The following SIAH2 variants were observed in gnomAD, a reference collection of about 807,000 sequenced individuals.
SIAH2 encodes E3 ubiquitin-protein ligase SIAH2.
SIAH2 carries 4 observed loss-of-function variants against 20.4 expected under a neutral mutation model. The ratio of observed to expected loss-of-function variants is 0.20; its 90% CI spans 0.10 to 0.45. The LOEUF is 0.45. Among genes scored for constraint, SIAH2 ranks in the 20% least tolerant of loss-of-function variants. The pLI is 0.99. For missense variants in SIAH2, 259 were observed against 440.3 expected (o/e 0.59, Z 3.69); for synonymous variants, 171 against 192.5 (o/e 0.89, Z 0.93).
rs1345769074 is a variant in SIAH2, at chr3:150,746,610, C to T, written c.418-3912G>A. ...AGATGCCAATAGCAACCACCCCCTG[C>T]CCCTCAGTTGTGACAACCAGAAATG... On this transcript the variant is annotated intron_variant, in intron 1 of 1. Transcript: ENST00000312960. Among the ~76,000 whole-genome samples the T allele has an allele frequency of 2.0e-5, 3 of 152,332 alleles. No individual in the cohort carries two copies. In the East Asian group the frequency reaches 5.8e-4, roughly 29 times the overall value.
intron 1 of SIAH2, among the ~76,000 whole-genome samples, chr3:150,749,129 T>C (rs920450793): frequency 6.6e-6 from 1 of 152,056 alleles, no homozygotes; most frequent in African/African-American, 2.4e-5. Context: ...AAATAACTGG[T>C]GAATCTGGAT....
chr3:150,745,959 C>T (rs1714202217), intron 1 of SIAH2, among the ~76,000 whole-genome samples: 1 of 152,074 alleles, frequency 6.6e-6, no homozygotes, highest in Non-Finnish European at 1.5e-5. Context: ...TAAAGGAAGA[C>T]CAGGAGGGCA....
chr3:150,762,501 C>A lies in SIAH2; in HGVS notation c.349G>T (p.Ala117Ser), dbSNP rs2108128311. 2 of 1,613,568 alleles carry A rather than the reference C, an allele frequency of 1.2e-6. No homozygotes were observed. Among genetic ancestry groups the A allele is most frequent in the East Asian group, 2.2e-5 (1 of 44,838 alleles). Residue 117 changes from alanine (A) to serine (S), a missense_variant, in exon 1 of 2, where the codon GCC becomes TCC. Transcript: ENST00000312960. The surrounding 1 kb of genome is among the most constrained non-coding windows in gnomAD (Gnocchi z 6.6). ...KLSCCPTCRG[A>S]LTPSIRNLAM... ...AGGTTCCTGATGCTGGGCGTCAGGG[C>A]GCCCCTGCACGTCGGGCAGCAGCTC...
rs575585611 is a variant in SIAH2 at position 150,752,346 on chromosome 3, C to T, written c.418-9648G>A. Among the ~76,000 whole-genome samples the T allele has an allele frequency of 2.5e-4, 38 of 152,362 alleles. No individual in the cohort carries two copies. The South Asian group carries it at 4.6e-3, about 18-fold the overall frequency. On this transcript the variant is annotated intron_variant, in intron 1 of 1. Transcript: ENST00000312960. ...TAAATAGGCCAGGTGCAGTGGCTCACGCCTGTAATCCCAGCATTTTGGGAG... is the reference window on the plus strand; with the variant it reads ...TAAATAGGCCAGGTGCAGTGGCTCATGCCTGTAATCCCAGCATTTTGGGAG...
intron 1 of SIAH2, among the ~76,000 whole-genome samples, chr3:150,754,093 G>A (rs1358871882): frequency 6.6e-6 from 1 of 152,216 alleles, no homozygotes; most frequent in Non-Finnish European, 1.5e-5. Flanking sequence ...TAAAGAATGT[G>A]TTAGATAAAG....
chr3:150,745,407 A>T (rs1296596261), intron 1 of SIAH2, among the ~76,000 whole-genome samples: 3 of 152,114 alleles, frequency 2.0e-5, no homozygotes, highest in Admixed American at 6.6e-5. Context: ...GTAGTTTGTG[A>T]ATTCCCCAAG....
At chr3:150,756,279 T>C (rs1331475130) in intron 1 of SIAH2, among the ~76,000 whole-genome samples, 1 of 152,226 alleles carries the variant, frequency 6.6e-6, no homozygotes, top group African/African-American at 2.4e-5. Context: ...CCTGAAAAAC[T>C]CGCCAGCAAT....
chr3:150,743,417 T>A (rs547387589), intron 1 of SIAH2, among the ~76,000 whole-genome samples: 3 of 152,248 alleles, frequency 2.0e-5, no homozygotes, highest in Non-Finnish European at 2.9e-5. Flanking sequence ...AGACTACTGG[T>A]CAGTCTGGTT....
At chr3:150,745,211 T>TG (rs1197682296) in intron 1 of SIAH2, among the ~76,000 whole-genome samples, 1 of 151,152 alleles carries the variant, frequency 6.6e-6, no homozygotes, top group Non-Finnish European at 1.5e-5. Context: ...GCCACTTTTA[T>TG]GATGACTAAA....
chr3:150,752,466 G>A (rs566385750), intron 1 of SIAH2, among the ~76,000 whole-genome samples: 73 of 152,280 alleles, frequency 4.8e-4, no homozygotes, highest in Middle Eastern at 6.8e-3. Flanking sequence ...AAAATTATCC[G>A]GGCGTGATGG....
intron 1 of SIAH2, among the ~76,000 whole-genome samples, chr3:150,743,555 C>T (rs529074241): frequency 5.9e-5 from 9 of 152,270 alleles, no homozygotes; most frequent in Admixed American, 2.6e-4. Flanking sequence ...ACAACAGGCC[C>T]GGGAGGAAGC....
rs5853495 is a variant in SIAH2, at chr3:150,745,240, TACACACACACACACAC to T, written c.418-2558_418-2543del. On this transcript the variant is annotated intron_variant, in intron 1 of 1. Coordinates refer to ENST00000312960, the MANE Select transcript of SIAH2 (RefSeq NM_005067.7). ...GACTAAAGTCTAAATTTTAACCCCCTACACACACACACACACACACACACACACACACACACACCCC... is the reference window on the plus strand; with the variant it reads ...GACTAAAGTCTAAATTTTAACCCCCTACACACACACACACACACACACCCC... 7.8e-5 allele frequency among the ~76,000 whole-genome samples: 11 copies of T among 140,672 alleles called. No homozygotes were observed. In the South Asian group the frequency reaches 1.9e-3, roughly 24 times the overall value. The allele number at this position is 140,672 out of a possible 152,430, so 92.3% of individuals were successfully genotyped here. A position where few individuals can be genotyped will look rare whatever the true frequency, so the allele number is the denominator to read the frequency against.
At chr3:150,747,486 G>A (rs1714244024) in intron 1 of SIAH2, among the ~76,000 whole-genome samples, 1 of 152,232 alleles carries the variant, frequency 6.6e-6, no homozygotes, top group South Asian at 2.1e-4. Context: ...CACCTGGGCT[G>A]GTTCGCAGAG....
intron 1 of SIAH2, among the ~76,000 whole-genome samples, chr3:150,745,277 A>C (rs1016998156): frequency 3.6e-4 from 47 of 129,034 alleles, no homozygotes; most frequent in South Asian, 2.3e-3. Context: ...ACACACACAC[A>C]CCCCACATTT....
In SIAH2 at chr3:150,762,651, C is replaced by T. The variant is rs1361715103; in HGVS notation, c.199G>A (p.Val67Met). 6.6e-7 allele frequency: 1 copy of T among 1,512,424 alleles called. No homozygotes were observed. The highest frequency in any genetic ancestry group is 8.8e-7 in the Non-Finnish European group (1 of 1,133,348). 93.7% of individuals were successfully genotyped at this position (1,512,424 alleles called of 1,614,324 possible). A position where few individuals can be genotyped will look rare whatever the true frequency, so the allele number is the denominator to read the frequency against. The change falls in exon 1 of 2, where the codon GTG becomes ATG. Residue 67 changes from valine to methionine, a missense_variant. Val to Met is a conservative substitution (Grantham distance 21). Around this residue, in one of 2 missense-constraint regions of SIAH2, gnomAD observed 99 missense variants for 112.7 expected, o/e 0.88. Coordinates refer to ENST00000312960, the MANE Select transcript of SIAH2 (RefSeq NM_005067.7). This position sits in a 1 kb window ranked among gnomAD's most constrained non-coding sequence, Gnocchi z 6.6. ...GPGGGGGAGP[V>M]SPQHHELTSL... is the part of the protein sequence containing the mutation. Reference sequence around the variant, plus strand: ...GTCAGCTCGTGGTGCTGCGGGGACACCGGGCCGGCCCCGCCGCCGCCGCCG... The same window carrying T: ...GTCAGCTCGTGGTGCTGCGGGGACATCGGGCCGGCCCCGCCGCCGCCGCCG...
At position 150,745,276 on chromosome 3, in the gene SIAH2, CA is replaced by C. The variant is rs879479501; in HGVS notation, c.418-2579del. Among the ~76,000 whole-genome samples, 468 of 151,362 alleles carry C rather than the reference CA, an allele frequency of 3.1e-3. 2 individuals carry two copies. Among genetic ancestry groups the C allele is most frequent in the Non-Finnish European group, 5.3e-3 (360 of 67,880 alleles). ...ACACACACACACACACACACACACA[CA>C]CCCCACATTTCATACTTCAAGCAGT... On this transcript the variant is annotated intron_variant, in intron 1 of 1. Coordinates refer to ENST00000312960, the MANE Select transcript of SIAH2 (RefSeq NM_005067.7).
chr3:150,762,318 T>TTTC lies in SIAH2; in HGVS notation c.417+114_417+115insGAA, dbSNP rs1246441472. The stretch of plus-strand genomic sequence containing the variant: ...GTGGACGAAGTGTAAACATTTTTTC[T>TTTC]TTTTTTTTTTTAAATGAGAGATGCC... On this transcript the variant is annotated intron_variant, in intron 1 of 1. Transcript: ENST00000312960. This position sits in a 1 kb window ranked among gnomAD's most constrained non-coding sequence, Gnocchi z 6.6. The TTTC allele has an allele frequency of 6.1e-3, 2,425 of 395,986 alleles. No individual in the cohort carries two copies. The East Asian group carries it at 0.071, about 12-fold the overall frequency. The allele number at this position is 395,986 out of a possible 1,614,324, so 24.5% of individuals were successfully genotyped here.
chr3:150,753,149 G>A (rs1176677599), intron 1 of SIAH2, among the ~76,000 whole-genome samples: 2 of 152,208 alleles, frequency 1.3e-5, no homozygotes, highest in Non-Finnish European at 2.9e-5. Flanking sequence ...TCGGCTCCTA[G>A]TACTTCAGAC....
At chr3:150,749,028 A>G (rs1353030162) in intron 1 of SIAH2, among the ~76,000 whole-genome samples, 1 of 152,240 alleles carries the variant, frequency 6.6e-6, no homozygotes, top group Non-Finnish European at 1.5e-5. Context: ...TTAGGGGTAA[A>G]GGGACAAGAT....
Sources: allele counts gnomAD v4.1 joint callset (sites outside exome capture counted in the v4.1 genomes callset), GRCh38; gene constraint gnomAD v4.1.1; regional missense constraint gnomAD v4.1.1; non-coding constraint Gnocchi (gnomAD v3.1); transcripts MANE v1.5; gene names NCBI Gene and HGNC (gene_info 2026-07-23, HGNC 2026-07-21).